SYNE1: variants seen among roughly 807,000 people sequenced by gnomAD.
SYNE1 encodes spectrin repeat containing nuclear envelope protein 1.
A neutral mutation model predicts 1,111.0 loss-of-function variants in SYNE1; 616 were observed. The ratio of observed to expected loss-of-function variants is 0.55; its 90% CI spans 0.52 to 0.59. The LOEUF (loss-of-function observed/expected upper bound fraction) is 0.59, where lower values mean the gene tolerates loss of function less well. Among genes scored for constraint, SYNE1 ranks in the 20% least tolerant of loss-of-function variants. The probability of loss-of-function intolerance (pLI) is 0.00; values close to 1 mark genes in which losing one functional copy is unlikely to be tolerated. For missense variants in SYNE1, 10,006 were observed against 10,417.0 expected, an observed-to-expected ratio of 0.96 and a Z score of 1.72; for synonymous variants, 3,855 against 3,825.8, an observed-to-expected ratio of 1.01 and a Z score of -0.28.
Position 152,353,661 on chromosome 6 carries a change from G to A in SYNE1, c.11010C>T (p.His3670=), listed in dbSNP as rs143673038. The A allele has an allele frequency of 8.7e-6, 14 of 1,614,032 alleles. No homozygotes were observed. Among genetic ancestry groups the A allele is most frequent in the South Asian group, 1.1e-5 (1 of 91,084 alleles). ...CCTGGCAACCCATTCTGCTGTTCAC[G>A]TGGCTCTCGTCCAGTATCTCCTGAG... ...ARAQEILDES[H]VNSRMGCQAT... The change falls in exon 68 of 146, where the codon CAC becomes CAT. Residue 3670 remains histidine, a synonymous_variant. Coordinates refer to ENST00000367255, the MANE Select transcript of SYNE1 (RefSeq NM_182961.4).
chr6:152,310,158 G>C (rs950803928), intron 89 of SYNE1, 141 bp from the exon 90 acceptor site: 1 of 1,235,022 alleles, frequency 8.1e-7, no homozygotes, highest in Admixed American at 2.1e-5. Context: ...GTTGAGTTTA[G>C]GGGCTGGACA....
At chr6:152,244,048 T>C (rs1248891459) in intron 106 of SYNE1, among the ~76,000 whole-genome samples, 7 of 152,172 alleles carry the variant, frequency 4.6e-5, no homozygotes, top group Non-Finnish European at 8.8e-5. Flanking sequence ...TGTTCTAGAA[T>C]TGAAACAATG....
intron 95 of SYNE1, among the ~76,000 whole-genome samples, chr6:152,285,149 C>A (rs2094258019): frequency 6.6e-6 from 1 of 152,168 alleles, no homozygotes; most frequent in Non-Finnish European, 1.5e-5. Flanking sequence ...CGCCTGTCTT[C>A]CACCACCTCT....
rs201167225 is a variant in SYNE1, at chr6:152,472,020, C to A, written c.1464-255G>T. 9 of 590,666 alleles carry A rather than the reference C, an allele frequency of 1.5e-5. No homozygotes were observed. In the East Asian group the frequency reaches 2.3e-4, roughly 15 times the overall value. The allele number at this position is 590,666 out of a possible 1,614,324, so 36.6% of individuals were successfully genotyped here. ...CTGTTTCTTTTATAAGCTGTTTTTG[C>A]AATATTACATAATGTTCCTTACAGT... On this transcript the variant is annotated intron_variant, in intron 15 of 145. Transcript: ENST00000367255.
chr6:152,321,200 C>G, intron 84 of SYNE1, 38 bp downstream of exon 84: 1 of 1,611,020 alleles, frequency 6.2e-7, no homozygotes, highest in Non-Finnish European at 8.5e-7. Context: ...ACCCTATAAA[C>G]AAAATGGAAA....
intron 135 of SYNE1, 131 bp from the exon 136 acceptor site, chr6:152,149,799 C>A: frequency 2.5e-6 from 2 of 786,996 alleles, no homozygotes; most frequent in South Asian, 1.5e-5. Flanking sequence ...CATATACAAT[C>A]ACAAGACAAG....
chr6:152,282,112 G>T (rs1043186156), intron 96 of SYNE1, 132 bp from the exon 97 acceptor site: 3 of 899,586 alleles, frequency 3.3e-6, no homozygotes, highest in Non-Finnish European at 5.3e-6. Flanking sequence ...AATTTCCTTT[G>T]CTTAGGCCAC....
chr6:152,454,964 C>CATGATAAACATGAAG (rs1174251439), intron 24 of SYNE1, among the ~76,000 whole-genome samples: 1 of 152,054 alleles, frequency 6.6e-6, no homozygotes, highest in African/African-American at 2.4e-5. Context: ...GATGGCTTTT[C>CATGATAAACATGAAG]ATGATAAACA....
intron 75 of SYNE1, among the ~76,000 whole-genome samples, chr6:152,338,058 G>C (rs1386676236): frequency 6.6e-6 from 1 of 152,132 alleles, no homozygotes; most frequent in Non-Finnish European, 1.5e-5. Context: ...TGAGGCACAA[G>C]AATTGCTTGA....
intron 98 of SYNE1, among the ~76,000 whole-genome samples, chr6:152,270,655 T>C (rs980245230): frequency 6.6e-6 from 1 of 152,340 alleles, no homozygotes; most frequent in African/African-American, 2.4e-5. Context: ...CACTACTTAA[T>C]AAGCACTCAC....
rs149775872 is a variant in SYNE1 at position 152,206,640 on chromosome 6, G to T, written c.22825-278C>A. 4.1e-3 allele frequency among the ~76,000 whole-genome samples: 625 copies of T among 152,266 alleles called. 3 individuals carry two copies. Among genetic ancestry groups the T allele is most frequent in the African/African-American group, 0.015 (608 of 41,536 alleles). ...AGAGGGACATCTGACCCAGCAGGGGGCGCACCAAGAGGCAGAGAGGCTTCC... is the reference window on the plus strand; with the variant it reads ...AGAGGGACATCTGACCCAGCAGGGGTCGCACCAAGAGGCAGAGAGGCTTCC... On this transcript the variant is annotated intron_variant, in intron 125 of 145. Coordinates refer to ENST00000367255, the MANE Select transcript of SYNE1 (RefSeq NM_182961.4).
rs760521977 is a variant in SYNE1, at chr6:152,462,705, T to C, written c.2250+33A>G. 6.8e-6 allele frequency: 11 copies of C among 1,613,246 alleles called. No individual in the cohort carries two copies. The South Asian group carries it at 1.1e-4, about 16-fold the overall frequency. On this transcript the variant is annotated intron_variant, in intron 20 of 145. Coordinates refer to ENST00000367255, the MANE Select transcript of SYNE1 (RefSeq NM_182961.4). ...GCTGATCTTTCCTCTCACAACAGAG[T>C]AGGCTTTTCATTTTGATTCAGAAAC... is the stretch of plus-strand genomic sequence containing the variant.
chr6:152,189,444 C>G, intron 127 of SYNE1, 37 bp from the exon 128 acceptor site: 1 of 1,607,240 alleles, frequency 6.2e-7, no homozygotes, highest in Non-Finnish European at 8.5e-7. Context: ...CCACGGACAT[C>G]TCCTGCCAAT....
chr6:152,604,773 C>T (rs1467876471), intron 3 of SYNE1, among the ~76,000 whole-genome samples: 1 of 150,892 alleles, frequency 6.6e-6, no homozygotes, highest in Non-Finnish European at 1.5e-5. Context: ...GGCCCCCTTC[C>T]CACTGTCCCT....
chr6:152,260,009 G>C (rs2091714943), intron 101 of SYNE1, among the ~76,000 whole-genome samples: 1 of 152,184 alleles, frequency 6.6e-6, no homozygotes, highest in African/African-American at 2.4e-5. Context: ...ACAGCATGGA[G>C]GACGCTGGAG....
chr6:152,175,316 A>G (rs2813506), intron 130 of SYNE1, among the ~76,000 whole-genome samples: 7,734 of 152,326 alleles, frequency 0.051, 465 homozygotes, highest in African/African-American at 0.14. Flanking sequence ...CTCTTATAGA[A>G]AAGAAATATA....
In SYNE1 at chr6:152,636,710, G is replaced by T. The variant is rs533576453; in HGVS notation, c.-296C>A. On this transcript the variant is annotated 5_prime_UTR_variant, in exon 2 of 146. Coordinates refer to ENST00000367255, the MANE Select transcript of SYNE1 (RefSeq NM_182961.4). ...CGAACGCTTCCTCCCGGCTCTCTGC[G>T]CCCAGGCTCGGCGGGACCCCGGGGA... The T allele has an allele frequency of 6.6e-6, 1 of 152,358 alleles. No individual in the cohort carries two copies. The highest frequency in any genetic ancestry group is 2.4e-5 in the African/African-American group (1 of 41,560). The allele number at this position is 152,358 out of a possible 1,614,324, so 9.4% of individuals were successfully genotyped here.
In SYNE1 at chr6:152,136,679, C is replaced by T. The variant is rs1420121296; in HGVS notation, c.25598G>A (p.Arg8533Gln). The part of the protein sequence containing the change: ...RLSQMNGRWD[R>Q]VCSLLEEWRG... ...CCACTCCTCCAGCAGAGAGCACACT[C>T]GGTCCCAGCGCCCATTCATCTGCGA... Residue 8533 changes from arginine (R) to glutamine (Q), a missense_variant, in exon 141 of 146, where the codon CGA (arginine) becomes CAA (glutamine). Physicochemically the swap from Arg to Gln is conservative, Grantham distance 43. Transcript: ENST00000367255. 7 of 1,614,202 alleles carry T rather than the reference C, an allele frequency of 4.3e-6. No individual in the cohort carries two copies. Among genetic ancestry groups the T allele is most frequent in the Admixed American group, 1.7e-5 (1 of 60,032 alleles).
At chr6:152,206,082 T>A (rs1245595445) in intron 126 of SYNE1, 86 bp downstream of exon 126, 4 of 1,269,500 alleles carry the variant, frequency 3.2e-6, no homozygotes, top group Non-Finnish European at 3.4e-6. Flanking sequence ...GATCTTTGCA[T>A]TATTTGATTT....
Sources: allele counts gnomAD v4.1 joint callset (sites outside exome capture counted in the v4.1 genomes callset), GRCh38; gene constraint gnomAD v4.1.1; transcripts MANE v1.5; gene names NCBI Gene and HGNC (gene_info 2026-07-23, HGNC 2026-07-21).